ATIC: variants seen among roughly 807,000 people sequenced by gnomAD.
ATIC encodes the protein 5-aminoimidazole-4-carboxamide ribonucleotide formyltransferase/IMP cyclohydrolase.
A neutral mutation model predicts 72.5 loss-of-function variants in ATIC; 64 were observed. The observed-to-expected ratio is 0.88, with a 90% confidence interval of 0.72 to 1.09. ATIC has a LOEUF of 1.09. ATIC is among the 50% of genes least tolerant of loss of function. The pLI, the probability that ATIC is intolerant of heterozygous loss-of-function variation, is 0.00. For synonymous variants in ATIC, 281 were observed against 267.1 expected (o/e 1.05, Z -0.51); for missense variants, 787 against 732.4 (o/e 1.07, Z -0.86).
At chr2:215,347,027 CAG>C (rs2053079400) in intron 14 of ATIC, 86 bp downstream of exon 14, 2 of 1,464,026 alleles carry the variant, frequency 1.4e-6, no homozygotes, top group African/African-American at 1.4e-5. Context: ...CATCACCACA[CAG>C]AGAAAAAGAT....
intron 12 of ATIC, among the ~76,000 whole-genome samples, chr2:215,343,459 C>A (rs1381457267): frequency 6.6e-6 from 1 of 152,076 alleles, no homozygotes. Context: ...GTCTCAGCTT[C>A]CCAAGTAGCT....
rs139340343 is a variant in ATIC at position 215,346,862 on chromosome 2, C to T, written c.1424C>T (p.Ser475Leu). Residue 475 changes from serine (S) to leucine (L), a missense_variant, in exon 14 of 16, where the codon TCG (serine) becomes TTG (leucine). By Grantham distance (145) the Ser-to-Leu change is moderately radical. Coordinates refer to ENST00000236959, the MANE Select transcript of ATIC (RefSeq NM_004044.7). ...WWLRHHPQVL[S>L]MKFKTGVKRA... ...CTTAGACACCATCCACAAGTGCTTT[C>T]GATGAAGTTTAAAACAGGAGTGAAG... 5.5e-5 allele frequency: 88 copies of T among 1,614,076 alleles called. No individual in the cohort carries two copies. Among genetic ancestry groups the T allele is most frequent in the African/African-American group, 4.3e-4 (32 of 75,010 alleles).
the ATIC span, chr2:215,364,757 GAA>G: frequency 1.4e-6 from 1 of 719,330 alleles, no homozygotes. Context: ...ATGCCAACAG[GAA>G]ATGTGGTATT....
chr2:215,312,261 C>A, intron 1 of ATIC, 100 bp downstream of exon 1: 1 of 1,452,566 alleles, frequency 6.9e-7, no homozygotes, highest in South Asian at 1.4e-5. Context: ...GCAGGGGCGG[C>A]GCTGCGGGAT....
Position 215,346,782 on chromosome 2 carries a change from G to C in ATIC, c.1344G>C (p.Gln448His), listed in dbSNP as rs910915122. The change falls in exon 14 of 16, where the codon CAG (glutamine) becomes CAC (histidine). Residue 448 changes from glutamine (Q) to histidine (H), a missense_variant. Physicochemically the swap from Gln to His is conservative, Grantham distance 24 (BLOSUM62 0). Transcript: ENST00000236959. ...AGGTTATCGGCATTGGAGCAGGACAGCAGTCTCGTATACACTGCACTCGCC... is the reference window on the plus strand; with the variant it reads ...AGGTTATCGGCATTGGAGCAGGACACCAGTCTCGTATACACTGCACTCGCC... ...NGQVIGIGAGQQSRIHCTRLA... is the reference protein window; with the variant it reads ...NGQVIGIGAGHQSRIHCTRLA... 2.5e-6 allele frequency: 4 copies of C among 1,614,070 alleles called. No homozygotes were observed. In the African/African-American group the frequency reaches 4.0e-5, roughly 16 times the overall value.
intron 4 of ATIC, among the ~76,000 whole-genome samples, chr2:215,320,664 C>T (rs2052757124): frequency 6.6e-6 from 1 of 152,196 alleles, no homozygotes; most frequent in Admixed American, 6.5e-5. Context: ...ACTGCAACCT[C>T]TGCCTCCTGT....
rs140865229 is a variant in ATIC at position 215,335,077 on chromosome 2, C to T, written c.1008+73C>T. The stretch of plus-strand genomic sequence containing the variant: ...ATTTGTTCATAATGTTAATTGAAAC[C>T]ATAACCTATAATATTTATATTTATA... On this transcript the variant is annotated intron_variant, in intron 10 of 15. Coordinates refer to ENST00000236959, the MANE Select transcript of ATIC (RefSeq NM_004044.7). The T allele has an allele frequency of 2.5e-3, 2,441 of 977,272 alleles. 22 individuals carry two copies. Among genetic ancestry groups the T allele is most frequent in the South Asian group, 0.016 (1,072 of 65,290 alleles). 60.5% of individuals were successfully genotyped at this position (977,272 alleles called of 1,614,324 possible).
intron 11 of ATIC, among the ~76,000 whole-genome samples, chr2:215,336,658 C>T (rs2052958202): frequency 6.6e-6 from 1 of 152,178 alleles, no homozygotes; most frequent in African/African-American, 2.4e-5. Context: ...CACAAGTGCA[C>T]CCTGCTTCAC....
At chr2:215,328,167 C>T (rs1213424559) in intron 7 of ATIC, among the ~76,000 whole-genome samples, 1 of 152,156 alleles carries the variant, frequency 6.6e-6, no homozygotes, top group Non-Finnish European at 1.5e-5. Flanking sequence ...AGCCACCACA[C>T]CTGGCCTCAG....
the ATIC span, among the ~76,000 whole-genome samples, chr2:215,358,579 T>TC: frequency 6.6e-6 from 1 of 152,188 alleles, no homozygotes; most frequent in African/African-American, 2.4e-5. Context: ...CAATGGGGTT[T>TC]CCCCAAGACA....
the ATIC span, among the ~76,000 whole-genome samples, chr2:215,357,610 T>G: frequency 1.3e-5 from 2 of 152,264 alleles, no homozygotes; most frequent in African/African-American, 4.8e-5. Context: ...TCTTGCTCTT[T>G]TATTACATCT....
Position 215,336,060 on chromosome 2 carries a change from G to C in ATIC, c.1034G>C (p.Gly345Ala). The change falls in exon 11 of 16, where the codon GGA (glycine) becomes GCA (alanine). Residue 345 changes from glycine to alanine, a missense_variant. Transcript: ENST00000236959. ...GTATCTGATGGTATAATTGCCCCAG[G>C]ATATGAAGAAGAAGCCTTGACAATA... ...REVSDGIIAP[G>A]YEEEALTILS... 2 of 1,612,486 alleles carry C rather than the reference G, an allele frequency of 1.2e-6. No homozygotes were observed. Among genetic ancestry groups the C allele is most frequent in the Non-Finnish European group, 1.7e-6 (2 of 1,179,124 alleles).
chr2:215,356,502 T>C, the ATIC span, among the ~76,000 whole-genome samples: 2 of 152,364 alleles, frequency 1.3e-5, no homozygotes, highest in African/African-American at 4.8e-5. Flanking sequence ...TAAAGCGTAT[T>C]GTTCAGCAGT....
chr2:215,319,641 CTTTG>C lies in ATIC; in HGVS notation c.224-20_224-17del, dbSNP rs764690807. 5.3e-5 allele frequency: 83 copies of C among 1,552,088 alleles called. No homozygotes were observed. The highest frequency in any genetic ancestry group is 6.7e-5 in the Admixed American group (4 of 59,898). Reference sequence around the variant, plus strand: ...CTGACTTGTTTTTTGAAGCTAATGACTTTGTTTAACTTTTTTAAATTAGGAATCC... The same window carrying C: ...CTGACTTGTTTTTTGAAGCTAATGACTTTAACTTTTTTAAATTAGGAATCC... On this transcript the variant is annotated intron_variant, in intron 3 of 15. Coordinates refer to ENST00000236959, the MANE Select transcript of ATIC (RefSeq NM_004044.7).
At chr2:215,327,173 A>G (rs2052838891) in intron 7 of ATIC, among the ~76,000 whole-genome samples, 195 bp downstream of exon 7, 1 of 152,122 alleles carries the variant, frequency 6.6e-6, no homozygotes, top group Non-Finnish European at 1.5e-5. Context: ...AGTTCTGAAA[A>G]GATGTCATGG....
intron 8 of ATIC, among the ~76,000 whole-genome samples, chr2:215,333,041 A>T (rs2052913154): frequency 1.3e-5 from 2 of 152,164 alleles, no homozygotes; most frequent in African/African-American, 4.8e-5. Flanking sequence ...TATCAAAGTG[A>T]TATCAAGCAG....
At chr2:215,359,386 C>T in the ATIC span, among the ~76,000 whole-genome samples, 2 of 152,210 alleles carry the variant, frequency 1.3e-5, no homozygotes, top group African/African-American at 4.8e-5. Flanking sequence ...ACATGTGTCT[C>T]AGGGGGTTGT....
In ATIC at chr2:215,346,827, C is replaced by T; in HGVS notation, c.1389C>T (p.Asn463=). 1 of 1,614,146 alleles carries T rather than the reference C, an allele frequency of 6.2e-7. No homozygotes were observed. Among genetic ancestry groups the T allele is most frequent in the Non-Finnish European group, 8.5e-7 (1 of 1,180,040 alleles). The part of the protein sequence containing the change: ...HCTRLAGDKA[N]YWWLRHHPQV... ...CTCGCCTTGCAGGAGATAAGGCAAA[C>T]TATTGGTGGCTTAGACACCATCCAC... is the stretch of plus-strand genomic sequence containing the variant. Residue 463 remains asparagine (N), a synonymous_variant, in exon 14 of 16, where the codon AAC becomes AAT. Transcript: ENST00000236959.
At chr2:215,329,670 C>T (rs1159036599) in intron 7 of ATIC, among the ~76,000 whole-genome samples, 1 of 152,140 alleles carries the variant, frequency 6.6e-6, no homozygotes, top group Non-Finnish European at 1.5e-5. Flanking sequence ...TTTATTTCAG[C>T]TATTTACTAG....
Sources: gnomAD v4.1 joint callset for allele counts (sites outside exome capture counted in the v4.1 genomes callset) on GRCh38, gnomAD v4.1.1 for gene constraint, MANE v1.5 for transcripts, NCBI Gene and HGNC (gene_info 2026-07-23, HGNC 2026-07-21) for gene names.